The following SANBR variants were observed in gnomAD, a reference collection of about 807,000 sequenced individuals.
SANBR encodes SANT and BTB domain regulator of CSR, also known as SANT and BTB domain regulator of class switch recombination.
In SANBR, 77 loss-of-function variants were observed where a neutral mutation model predicts 101.8. That is an observed-to-expected ratio of 0.76 (90% CI 0.63 to 0.91). The LOEUF (loss-of-function observed/expected upper bound fraction) is 0.91, where lower values mean the gene tolerates loss of function less well. Among genes scored for constraint, SANBR ranks in the 40% least tolerant of loss-of-function variants. The probability of loss-of-function intolerance (pLI) is 0.00; values close to 1 mark genes in which losing one functional copy is unlikely to be tolerated. For synonymous variants in SANBR, 279 were observed against 274.7 expected (o/e 1.02, Z -0.15); for missense variants, 875 against 853.0 (o/e 1.03, Z -0.32).
At chr2:61,090,288 T>G (rs1274871088) in intron 10 of SANBR, 1 of 152,326 alleles carries the variant, frequency 6.6e-6, no homozygotes, top group Non-Finnish European at 1.5e-5. Context: ...TTTTTCTATA[T>G]TACAAATTTA....
intron 12 of SANBR, among the ~76,000 whole-genome samples, 176 bp from the exon 13 acceptor site, chr2:61,103,677 G>T (rs1227481282): frequency 6.6e-6 from 1 of 152,178 alleles, no homozygotes; most frequent in Non-Finnish European, 1.5e-5. Context: ...TTGGGTATTT[G>T]TTAAGCCATA....
rs777841653 is a variant in SANBR at position 61,070,334 on chromosome 2, A to C, written c.-9-8A>C. The C allele has an allele frequency of 3.0e-5, 46 of 1,557,802 alleles. No individual in the cohort carries two copies. Among genetic ancestry groups the C allele is most frequent in the Non-Finnish European group, 3.4e-5 (39 of 1,158,364 alleles). Reference sequence around the variant, plus strand: ...TTAAATAAAGCTTTTTGTCTTCCCTATCCCTAGTTCCAAAAGATGAGTCGT... The same window carrying C: ...TTAAATAAAGCTTTTTGTCTTCCCTCTCCCTAGTTCCAAAAGATGAGTCGT... On this transcript the variant is annotated splice_polypyrimidine_tract_variant and splice_region_variant and intron_variant, in intron 2 of 21. Transcript: ENST00000402291.
chr2:61,127,090 T>C (rs1474975764), downstream of SANBR, among the ~76,000 whole-genome samples: 1 of 152,220 alleles, frequency 6.6e-6, no homozygotes, highest in African/African-American at 2.4e-5. Flanking sequence ...CTTTCCTTCC[T>C]TTATTTGTTG....
chr2:61,103,755 T>C, intron 12 of SANBR, 98 bp from the exon 13 acceptor site: 2 of 1,073,698 alleles, frequency 1.9e-6, no homozygotes, highest in South Asian at 3.1e-5. Flanking sequence ...AAAATATGTA[T>C]ATGACAATAT....
At chr2:61,073,435 A>C in intron 4 of SANBR, 23 bp from the exon 5 acceptor site, 2 of 1,123,948 alleles carry the variant, frequency 1.8e-6, no homozygotes, top group Non-Finnish European at 2.5e-6. Flanking sequence ...TTTTTTTTGT[A>C]TGTGTTTGTT....
chr2:61,130,642 GTTTTT>G (rs993248466), intron 20 of SANBR, among the ~76,000 whole-genome samples: 2 of 150,162 alleles, frequency 1.3e-5, no homozygotes, highest in Non-Finnish European at 3.0e-5. Context: ...TATCAATATA[GTTTTT>G]TTTTTTAAGT....
At chr2:61,132,772 T>G (rs1263670376) in intron 20 of SANBR, among the ~76,000 whole-genome samples, 2 of 152,182 alleles carry the variant, frequency 1.3e-5, no homozygotes, top group Non-Finnish European at 2.9e-5. Flanking sequence ...TATTGACTGA[T>G]AAATGGAGAA....
At chr2:61,111,922 A>C (rs1683847593) in intron 16 of SANBR, among the ~76,000 whole-genome samples, 1 of 152,178 alleles carries the variant, frequency 6.6e-6, no homozygotes, top group Admixed American at 6.5e-5. Context: ...TTGTATGGCT[A>C]TACCATACTT....
chr2:61,074,570 A>G (rs1388898277), intron 5 of SANBR, among the ~76,000 whole-genome samples: 2 of 151,490 alleles, frequency 1.3e-5, no homozygotes, highest in African/African-American at 2.4e-5. Context: ...CACCGTGCCC[A>G]TTTTTGTATT....
Position 61,076,941 on chromosome 2 carries a change from G to A in SANBR, c.453G>A (p.Val151=). ...ESEGPNMVIH[V]CDEAKNLKED... ...GAAGGCCAAACATGGTGATCCATGTGTGTGATGAAGCAAAAAACTTGAAAG... is the reference window on the plus strand; with the variant it reads ...GAAGGCCAAACATGGTGATCCATGTATGTGATGAAGCAAAAAACTTGAAAG... Residue 151 remains valine (V), a synonymous_variant, in exon 6 of 22, where the codon GTG becomes GTA. Coordinates refer to ENST00000402291, the MANE Select transcript of SANBR (RefSeq NM_001129993.3). 5.0e-6 allele frequency: 8 copies of A among 1,613,462 alleles called. No homozygotes were observed. The highest frequency in any genetic ancestry group is 6.8e-6 in the Non-Finnish European group (8 of 1,179,484).
At chr2:61,110,810 T>A (rs1683794813) in intron 16 of SANBR, among the ~76,000 whole-genome samples, 1 of 151,718 alleles carries the variant, frequency 6.6e-6, no homozygotes, top group East Asian at 1.9e-4. Context: ...ACCATCCCAT[T>A]GCACTCCAGC....
intron 21 of SANBR, 144 bp downstream of exon 21, chr2:61,121,420 T>C: frequency 9.9e-6 from 5 of 506,652 alleles, no homozygotes; most frequent in South Asian, 2.7e-5. Flanking sequence ...AGGCACTAAT[T>C]AGAAACAGAT....
intron 13 of SANBR, 126 bp downstream of exon 13, chr2:61,104,124 T>A: frequency 1.3e-6 from 1 of 752,748 alleles, no homozygotes; most frequent in African/African-American, 1.8e-5. Flanking sequence ...AAAACTTAAC[T>A]GAAATTATAT....
chr2:61,068,027 CCTT>C (rs1307576183), intron 1 of SANBR, among the ~76,000 whole-genome samples: 3 of 152,274 alleles, frequency 2.0e-5, no homozygotes, highest in Admixed American at 6.5e-5. Context: ...GGTTTTGTGA[CCTT>C]CTCGTTAATT....
At chr2:61,077,369 C>T (rs1223441363) in intron 6 of SANBR, among the ~76,000 whole-genome samples, 3 of 152,044 alleles carry the variant, frequency 2.0e-5, no homozygotes, top group East Asian at 1.9e-4. Flanking sequence ...CAGCAGTTCC[C>T]AATGTATGGT....
At chr2:61,078,714 G>C (rs1456612626) in intron 6 of SANBR, among the ~76,000 whole-genome samples, 1 of 152,054 alleles carries the variant, frequency 6.6e-6, no homozygotes, top group Non-Finnish European at 1.5e-5. Flanking sequence ...GAGCCACGGC[G>C]CCCGACCTAA....
downstream of SANBR, among the ~76,000 whole-genome samples, chr2:61,126,017 C>T (rs1273051876): frequency 1.3e-5 from 2 of 152,176 alleles, no homozygotes; most frequent in African/African-American, 4.8e-5. Flanking sequence ...AGTGCACTTT[C>T]GGTAGTTTCA....
intron 8 of SANBR, among the ~76,000 whole-genome samples, chr2:61,085,466 C>G (rs1487785951): frequency 6.6e-6 from 1 of 151,696 alleles, no homozygotes; most frequent in Non-Finnish European, 1.5e-5. Context: ...CCTTTGTGTT[C>G]TGTTGATTTC....
At chr2:61,093,028 G>A (rs182673894) in intron 11 of SANBR, among the ~76,000 whole-genome samples, 1 of 152,050 alleles carries the variant, frequency 6.6e-6, no homozygotes, top group East Asian at 1.9e-4. Context: ...AGCTATTCGG[G>A]AGGCTGAGGC....
Sources: gnomAD v4.1 joint callset for allele counts (sites outside exome capture counted in the v4.1 genomes callset) on GRCh38, gnomAD v4.1.1 for gene constraint, MANE v1.5 for transcripts, NCBI Gene and HGNC (gene_info 2026-07-23, HGNC 2026-07-21) for gene names.